Variants in SLC26A8 observed in about 807,000 individuals in gnomAD.
SLC26A8 encodes solute carrier family 26 member 8.
A neutral mutation model predicts 105.0 loss-of-function variants in SLC26A8; 70 were observed. The observed-to-expected ratio is 0.67, with a 90% CI of 0.55 to 0.81. The LOEUF (loss-of-function observed/expected upper bound fraction) is 0.81. Ranked by LOEUF, SLC26A8 falls within the 40% of genes least tolerant of loss-of-function variation. The probability of loss-of-function intolerance (pLI) is 0.00; values close to 1 mark genes in which losing one functional copy is unlikely to be tolerated. For synonymous variants in SLC26A8, 415 were observed against 438.3 expected, an observed-to-expected ratio of 0.95 and a Z score of 0.66; for missense variants, 998 against 1,181.8, an observed-to-expected ratio of 0.84 and a Z score of 2.28.
rs543978490 is a variant in SLC26A8, at chr6:36,023,924, C to T, written c.-3+580G>A. Among the ~76,000 whole-genome samples the T allele has an allele frequency of 3.3e-5, 5 of 152,260 alleles. No homozygotes were observed. The South Asian group carries it at 1.0e-3, about 32-fold the overall frequency. On this transcript the variant is annotated intron_variant, in intron 1 of 19. Transcript: ENST00000490799. Reference sequence around the variant, plus strand: ...TCCTTAAGCGGATGACCATTGGACACATAAACATAGGACAACCACCTTCCA... The same window carrying T: ...TCCTTAAGCGGATGACCATTGGACATATAAACATAGGACAACCACCTTCCA...
intron 11 of SLC26A8, among the ~76,000 whole-genome samples, chr6:35,963,183 ACTT>A: frequency 6.6e-6 from 1 of 152,156 alleles, no homozygotes; most frequent in Non-Finnish European, 1.5e-5. Flanking sequence ...GGAGACAAAA[ACTT>A]CTTATCTGAG....
At chr6:35,971,424 C>T (rs777026328) in intron 10 of SLC26A8, among the ~76,000 whole-genome samples, 40 of 152,328 alleles carry the variant, frequency 2.6e-4, no homozygotes, top group Admixed American at 5.2e-4. Flanking sequence ...ATAGCCACAG[C>T]CACAATCAAC....
At chr6:35,990,593 A>G (rs1428755768) in intron 7 of SLC26A8, among the ~76,000 whole-genome samples, 1 of 152,176 alleles carries the variant, frequency 6.6e-6, no homozygotes, top group African/African-American at 2.4e-5. Context: ...TCCAGGGATG[A>G]GCTGCCTCAA....
At chr6:35,945,613 A>G (rs1023593796) in intron 19 of SLC26A8, among the ~76,000 whole-genome samples, 1 of 152,128 alleles carries the variant, frequency 6.6e-6, no homozygotes, top group Non-Finnish European at 1.5e-5. Context: ...CCACTTAGTC[A>G]TCACCCCAGA....
intron 10 of SLC26A8, among the ~76,000 whole-genome samples, chr6:35,971,756 T>C (rs1053395059): frequency 1.3e-5 from 2 of 152,170 alleles, no homozygotes; most frequent in African/African-American, 2.4e-5. Context: ...CACGGCCCCA[T>C]TGACTTCCTC....
intron 3 of SLC26A8, among the ~76,000 whole-genome samples, chr6:36,006,040 A>G (rs1187106242): frequency 6.6e-6 from 1 of 152,210 alleles, no homozygotes; most frequent in East Asian, 1.9e-4. Context: ...AAATTATCTT[A>G]TTATTCACAT....
chr6:36,013,648 C>CATTA (rs1476707292), intron 2 of SLC26A8, among the ~76,000 whole-genome samples: 1 of 152,122 alleles, frequency 6.6e-6, no homozygotes, highest in Non-Finnish European at 1.5e-5. Flanking sequence ...ACAGAATCAT[C>CATTA]ATTAATCAAC....
chr6:35,990,591 T>C (rs1269596897), intron 7 of SLC26A8, among the ~76,000 whole-genome samples: 2 of 152,190 alleles, frequency 1.3e-5, no homozygotes, highest in African/African-American at 2.4e-5. Flanking sequence ...AGTCCAGGGA[T>C]GAGCTGCCTC....
At chr6:36,017,337 A>T (rs1762022381) in intron 2 of SLC26A8, among the ~76,000 whole-genome samples, 1 of 152,134 alleles carries the variant, frequency 6.6e-6, no homozygotes, top group African/African-American at 2.4e-5. Flanking sequence ...CATCAAAATT[A>T]AAAACTCTTC....
chr6:36,008,391 A>G (rs1404231266), intron 3 of SLC26A8, among the ~76,000 whole-genome samples: 1 of 152,214 alleles, frequency 6.6e-6, no homozygotes. Flanking sequence ...ACTTGAACAG[A>G]CCCTTCAAAG....
rs556054090 is a variant in SLC26A8, at chr6:35,981,788, C to T, written c.1025+333G>A. 5.6e-4 allele frequency among the ~76,000 whole-genome samples: 86 copies of T among 152,270 alleles called. No individual in the cohort carries two copies. Among genetic ancestry groups the T allele is most frequent in the Non-Finnish European group, 9.6e-4 (65 of 68,018 alleles). Reference sequence around the variant, plus strand: ...CTAGAAAAACCGAGGCATCTCTTGTCCACCCCTTGAGAATTAATCAGAGAG... The same window carrying T: ...CTAGAAAAACCGAGGCATCTCTTGTTCACCCCTTGAGAATTAATCAGAGAG... On this transcript the variant is annotated intron_variant, in intron 8 of 19. Transcript: ENST00000490799. This position sits in a 1 kb window ranked among gnomAD's most constrained non-coding sequence, Gnocchi z 4.0.
Position 35,955,486 on chromosome 6 carries a change from T to C in SLC26A8, c.1898A>G (p.Asp633Gly), listed in dbSNP as rs2127294674. The change falls in exon 17 of 20, where the codon GAT becomes GGT. Residue 633 changes from aspartate to glycine, a missense_variant. Transcript: ENST00000490799. Reference sequence around the variant, plus strand: ...CAGGTTAATGGAGGATGCTTCGGGATCCAGTTTATTTTCAAATCGCTCTGT... The same window carrying C: ...CAGGTTAATGGAGGATGCTTCGGGACCCAGTTTATTTTCAAATCGCTCTGT... ...LYTERFENKL[D>G]PEASSINLIH... 6.2e-7 allele frequency: 1 copy of C among 1,614,152 alleles called. No individual in the cohort carries two copies. Among genetic ancestry groups the C allele is most frequent in the Non-Finnish European group, 8.5e-7 (1 of 1,180,030 alleles).
intron 3 of SLC26A8, among the ~76,000 whole-genome samples, chr6:36,000,967 T>C (rs1439081895): frequency 6.6e-6 from 1 of 152,236 alleles, no homozygotes; most frequent in African/African-American, 2.4e-5. Flanking sequence ...TTCGATTATT[T>C]AATCTGTAGA....
chr6:35,969,279 G>A (rs1772684788), intron 10 of SLC26A8: 1 of 278,442 alleles, frequency 3.6e-6, no homozygotes, highest in Non-Finnish European at 7.0e-6. Flanking sequence ...CTCCTCCTAA[G>A]TTTAACCTCT....
intron 7 of SLC26A8, chr6:35,989,679 A>G (rs1277977753): frequency 6.6e-6 from 1 of 152,190 alleles, no homozygotes; most frequent in Non-Finnish European, 1.5e-5. Context: ...AGTCATCTGT[A>G]GGGACCTTAA....
intron 8 of SLC26A8, 139 bp from the exon 9 acceptor site, chr6:35,977,490 G>T: frequency 1.1e-6 from 1 of 883,132 alleles, no homozygotes; most frequent in Non-Finnish European, 1.6e-6. Flanking sequence ...AGTGATTGAG[G>T]CAGCAGCCTG....
chr6:36,013,584 T>C (rs1781301994), intron 2 of SLC26A8, among the ~76,000 whole-genome samples: 1 of 152,220 alleles, frequency 6.6e-6, no homozygotes. Flanking sequence ...GTCCAAAATG[T>C]CAATGATGCT....
chr6:35,950,435 C>T (rs572798193), intron 19 of SLC26A8, among the ~76,000 whole-genome samples: 225 of 151,712 alleles, frequency 1.5e-3, no homozygotes, highest in African/African-American at 5.0e-3. Context: ...TACAGGTGCC[C>T]GCCACCATGC....
At position 35,972,028 on chromosome 6, in the gene SLC26A8, G is replaced by A. The variant is rs191957646; in HGVS notation, c.1288-3074C>T. Among the ~76,000 whole-genome samples, 1,381 of 152,328 alleles carry A rather than the reference G, an allele frequency of 9.1e-3. 51 individuals are homozygous for A. Among genetic ancestry groups the A allele is most frequent in the Admixed American group, 0.068 (1,033 of 15,292 alleles). On this transcript the variant is annotated intron_variant, in intron 10 of 19. Coordinates refer to ENST00000490799, the MANE Select transcript of SLC26A8 (RefSeq NM_052961.4). Reference sequence around the variant, plus strand: ...CCTGCCAATGCCTCAGGCTGAGGCTGTGGCCAGAAGGACCAGTAGGTTTTG... The same window carrying A: ...CCTGCCAATGCCTCAGGCTGAGGCTATGGCCAGAAGGACCAGTAGGTTTTG...
Sources: allele counts gnomAD v4.1 joint callset (sites outside exome capture counted in the v4.1 genomes callset), GRCh38; gene constraint gnomAD v4.1.1; non-coding constraint Gnocchi (gnomAD v3.1); transcripts MANE v1.5; gene names NCBI Gene and HGNC (gene_info 2026-07-23, HGNC 2026-07-21).